The following FMNL2 variants were observed in gnomAD, a reference collection of about 807,000 sequenced individuals.
FMNL2 encodes formin-like protein 2.
Under a neutral mutation model 130.2 loss-of-function variants are expected in FMNL2, and 51 were observed. The ratio of observed to expected loss-of-function variants is 0.39; its 90% CI spans 0.31 to 0.49. The LOEUF is 0.49. Ranked by LOEUF, FMNL2 falls within the 20% of genes least tolerant of loss-of-function variation. The probability of loss-of-function intolerance (pLI) is 0.85; values close to 1 mark genes in which losing one functional copy is unlikely to be tolerated. For synonymous variants in FMNL2, 465 were observed against 467.1 expected, an observed-to-expected ratio of 1.00 and a Z score of 0.06; for missense variants, 977 against 1,316.2, an observed-to-expected ratio of 0.74 and a Z score of 3.99.
chr2:152,342,066 T>A (rs958274147), intron 1 of FMNL2, among the ~76,000 whole-genome samples: 2 of 152,190 alleles, frequency 1.3e-5, no homozygotes, highest in Non-Finnish European at 2.9e-5. Context: ...AGGTGCTTCC[T>A]GGGCTTAAAG....
At chr2:152,472,459 C>G (rs1299044638) in intron 1 of FMNL2, among the ~76,000 whole-genome samples, 1 of 152,126 alleles carries the variant, frequency 6.6e-6, no homozygotes, top group African/African-American at 2.4e-5. Flanking sequence ...CAGACCTGAG[C>G]TCACCTGGCA....
chr2:152,349,557 A>C (rs1423469320), intron 1 of FMNL2, among the ~76,000 whole-genome samples: 1 of 152,206 alleles, frequency 6.6e-6, no homozygotes, highest in Non-Finnish European at 1.5e-5. Flanking sequence ...TACCCTCTGT[A>C]CTAAACTCAT....
chr2:152,482,755 A>G (rs1318508456), intron 1 of FMNL2, among the ~76,000 whole-genome samples: 2 of 152,210 alleles, frequency 1.3e-5, no homozygotes, highest in African/African-American at 4.8e-5. Flanking sequence ...AGTTTCTGGC[A>G]TTCTGTAAAT....
At chr2:152,562,319 A>AGGACATTATTTC (rs1181986535) in intron 6 of FMNL2, among the ~76,000 whole-genome samples, 1 of 152,184 alleles carries the variant, frequency 6.6e-6, no homozygotes, top group African/African-American at 2.4e-5. Context: ...ATCTGGCAAG[A>AGGACATTATTTC]GGACATTATT....
At chr2:152,591,813 A>C (rs547180307) in intron 9 of FMNL2, among the ~76,000 whole-genome samples, 79 of 152,216 alleles carry the variant, frequency 5.2e-4, no homozygotes, top group Admixed American at 1.2e-3. Context: ...CTCTAAAGAA[A>C]AGATAAGGCA....
chr2:152,629,066 G>T (rs1681989673), intron 18 of FMNL2, among the ~76,000 whole-genome samples: 1 of 152,140 alleles, frequency 6.6e-6, no homozygotes, highest in African/African-American at 2.4e-5. Context: ...TAATCTGGTG[G>T]AGATTTATGA....
intron 22 of FMNL2, among the ~76,000 whole-genome samples, chr2:152,637,325 T>C (rs950308517): frequency 1.6e-4 from 24 of 152,324 alleles, no homozygotes; most frequent in African/African-American, 5.5e-4. Flanking sequence ...TGCCTGTGTG[T>C]AGAAGTGGCA....
At chr2:152,377,397 A>G (rs184472885) in intron 1 of FMNL2, among the ~76,000 whole-genome samples, 150 of 152,354 alleles carry the variant, frequency 9.8e-4, no homozygotes, top group Admixed American at 3.0e-3. Flanking sequence ...GAGTTAGTCT[A>G]TCCTCTTTTA....
At chr2:152,623,555 G>T (rs1308233446) in intron 15 of FMNL2, among the ~76,000 whole-genome samples, 1 of 152,122 alleles carries the variant, frequency 6.6e-6, no homozygotes, top group Non-Finnish European at 1.5e-5. Context: ...GGAATGAGAG[G>T]CACTGTCTGT....
At chr2:152,400,590 A>G (rs1184697451) in intron 1 of FMNL2, among the ~76,000 whole-genome samples, 1 of 152,206 alleles carries the variant, frequency 6.6e-6, no homozygotes, top group African/African-American at 2.4e-5. Flanking sequence ...TATAACTTGT[A>G]TATTTCTACC....
intron 25 of FMNL2, among the ~76,000 whole-genome samples, chr2:152,642,175 C>A (rs968308708): frequency 5.9e-5 from 9 of 152,150 alleles, no homozygotes; most frequent in African/African-American, 1.9e-4. Flanking sequence ...CTCCTGACCT[C>A]GTGATCTGCC....
chr2:152,566,903 AG>A, intron 6 of FMNL2, among the ~76,000 whole-genome samples: 1 of 152,196 alleles, frequency 6.6e-6, no homozygotes, highest in Non-Finnish European at 1.5e-5. Context: ...GGGAGAAGTC[AG>A]GAGAGTGATC....
Position 152,629,865 on chromosome 2 carries a change from G to A in FMNL2, c.2510G>A (p.Arg837Lys). 6.2e-7 allele frequency: 1 copy of A among 1,612,740 alleles called. No homozygotes were observed. The highest frequency in any genetic ancestry group is 8.5e-7 in the Non-Finnish European group (1 of 1,179,358). ...ALGNYMNSSK[R>K]GAVYGFKLQS... ...GGAAACTACATGAATAGCAGTAAAA[G>A]AGGAGCAGTTTATGGATTTAAACTT... The change falls in exon 20 of 26, where the codon AGA becomes AAA. Residue 837 changes from arginine (R) to lysine (K), a missense_variant. Arg to Lys is a conservative substitution (Grantham distance 26). This residue lies in a region of FMNL2 where 689 missense variants were observed against 995.9 expected (regional missense o/e 0.69). Coordinates refer to ENST00000288670, the MANE Select transcript of FMNL2 (RefSeq NM_052905.4).
chr2:152,643,888 C>T (rs1194371018), intron 25 of FMNL2: 1 of 985,134 alleles, frequency 1.0e-6, no homozygotes, highest in Non-Finnish European at 1.2e-6. Flanking sequence ...TGTCCTTCAA[C>T]ATATCCATTA....
chr2:152,433,193 A>C (rs1687587261), intron 1 of FMNL2, among the ~76,000 whole-genome samples: 1 of 152,184 alleles, frequency 6.6e-6, no homozygotes, highest in Admixed American at 6.5e-5. Flanking sequence ...TAACTAATGA[A>C]GGAAAGGGAA....
intron 15 of FMNL2, among the ~76,000 whole-genome samples, chr2:152,622,138 C>G (rs1363803023): frequency 6.6e-6 from 1 of 152,188 alleles, no homozygotes; most frequent in Non-Finnish European, 1.5e-5. Context: ...CGGTAGGTCA[C>G]CTGAGACAGG....
chr2:152,543,370 C>T (rs1001553450), intron 3 of FMNL2, among the ~76,000 whole-genome samples: 3 of 152,134 alleles, frequency 2.0e-5, no homozygotes, highest in Admixed American at 2.0e-4. Context: ...TTTGTGCAGC[C>T]ACACAATTGG....
chr2:152,632,004 T>G lies in FMNL2; in HGVS notation c.2551-4T>G. On this transcript the variant is annotated splice_polypyrimidine_tract_variant and splice_region_variant and intron_variant, in intron 20 of 25. Transcript: ENST00000288670. ...ACCTAACCCACGTTCCCTTTTGTTT[T>G]CAGCTCTTAGATACAAAGTCAACAG... 4 of 1,609,618 alleles carry G rather than the reference T, an allele frequency of 2.5e-6. No homozygotes were observed. The highest frequency in any genetic ancestry group is 3.4e-6 in the Non-Finnish European group (4 of 1,178,200).
intron 1 of FMNL2, among the ~76,000 whole-genome samples, chr2:152,410,710 A>G (rs1313666379): frequency 6.6e-6 from 1 of 152,210 alleles, no homozygotes; most frequent in Non-Finnish European, 1.5e-5. Flanking sequence ...TTTCGGACTC[A>G]TGGTGAATGC....
Sources: allele counts gnomAD v4.1 joint callset (sites outside exome capture counted in the v4.1 genomes callset), GRCh38; gene constraint gnomAD v4.1.1; regional missense constraint gnomAD v4.1.1; transcripts MANE v1.5; gene names NCBI Gene and HGNC (gene_info 2026-07-23, HGNC 2026-07-21).